Variants in KRT76 observed in about 807,000 individuals in gnomAD.
KRT76 encodes the protein keratin 76.
In KRT76, 47 loss-of-function variants were observed where a neutral mutation model predicts 44.9. The observed-to-expected ratio is 1.05, with a 90% CI of 0.83 to 1.33. KRT76 has a LOEUF of 1.33. Ranked by LOEUF, KRT76 falls within the 40% of genes most tolerant of loss-of-function variation. KRT76 has a pLI of 0.00. For synonymous variants in KRT76, 331 were observed against 294.1 expected, an observed-to-expected ratio of 1.13 and a Z score of -1.28; for missense variants, 860 against 775.8, an observed-to-expected ratio of 1.11 and a Z score of -1.29.
chr12:52,769,062 C>A lies in KRT76; in HGVS notation c.1568G>T (p.Arg523Leu), dbSNP rs377548693. 5.5e-6 allele frequency: 4 copies of A among 726,324 alleles called. No individual in the cohort carries two copies. The South Asian group carries it at 5.9e-5, about 11-fold the overall frequency. The allele number at this position is 726,324 out of a possible 1,614,324, so 45.0% of individuals were successfully genotyped here. A position where few individuals can be genotyped will look rare whatever the true frequency, so the allele number is the denominator to read the frequency against. Residue 523 changes from arginine (R) to leucine (L), a missense_variant, in exon 9 of 9, where the codon CGT becomes CTT. Coordinates refer to ENST00000332411, the MANE Select transcript of KRT76 (RefSeq NM_015848.4). ...GCCACTGACCCCTCCAAAAACTCCA[C>A]GGCTACTGCCAGAGCTGCCACTTGT... Reference protein sequence around the residue: ...TSTSGSSGSSRGVFGGVSGSG... With the variant: ...TSTSGSSGSSLGVFGGVSGSG...
rs1179907663 is a variant in KRT76 at position 52,769,235 on chromosome 12, C to A, written c.1520-125G>T. The A allele has an allele frequency of 4.9e-6, 3 of 611,772 alleles. No individual in the cohort carries two copies. The African/African-American group carries it at 5.6e-5, about 11-fold the overall frequency. 37.9% of individuals were successfully genotyped at this position (611,772 alleles called of 1,614,324 possible). A position where few individuals can be genotyped will look rare whatever the true frequency, so the allele number is the denominator to read the frequency against. On this transcript the variant is annotated intron_variant, in intron 8 of 8. Transcript: ENST00000332411. The stretch of plus-strand genomic sequence containing the variant: ...AAAGATGCTAACTTATCTAATGCCT[C>A]AGTTTGCAAACCATGAGAGTGAGCC...
Position 52,774,016 on chromosome 12 carries a change from G to C in KRT76, c.816-374C>G, listed in dbSNP as rs1476974798. Among the ~76,000 whole-genome samples the C allele has an allele frequency of 2.0e-5, 3 of 152,136 alleles. No individual in the cohort carries two copies. In the East Asian group the frequency reaches 5.8e-4, roughly 29 times the overall value. On this transcript the variant is annotated intron_variant, in intron 2 of 8. Transcript: ENST00000332411. The stretch of plus-strand genomic sequence containing the variant: ...CCAGCCAATTTTTTAATTTTTAGTA[G>C]AGACAAGGTCTCACTTTGTTGCCCA...
rs777017133 is a variant in KRT76, at chr12:52,772,253, C to T, written c.978G>A (p.Leu326=). ...SFLRTLYEME[L]SQMQSHASDT... ...CACTGGCATGGCTTTGCATCTGGGA[C>T]AGCTCCTGCAGGAAACATGGATAGT... The change falls in exon 5 of 9, where the codon CTG becomes CTA. Residue 326 remains leucine (L), a synonymous_variant. Coordinates refer to ENST00000332411, the MANE Select transcript of KRT76 (RefSeq NM_015848.4). 1 of 1,594,128 alleles carries T rather than the reference C, an allele frequency of 6.3e-7. No homozygotes were observed. Among genetic ancestry groups the T allele is most frequent in the South Asian group, 1.2e-5 (1 of 86,746 alleles).
In KRT76 at chr12:52,769,013, G is replaced by C; in HGVS notation, c.1617C>G (p.Gly539=). 1 of 866,606 alleles carries C rather than the reference G, an allele frequency of 1.2e-6. No homozygotes were observed. Among genetic ancestry groups the C allele is most frequent in the Non-Finnish European group, 1.9e-6 (1 of 520,550 alleles). 53.7% of individuals were successfully genotyped at this position (866,606 alleles called of 1,614,324 possible). ...VSGSGSGGYK[G]GSSSSSSSGY... ...CACTGCTGCTGCTGCTGCTGCTGCCGCCTTTGTAGCCACCACTGCCACTGC... is the reference window on the plus strand; with the variant it reads ...CACTGCTGCTGCTGCTGCTGCTGCCCCCTTTGTAGCCACCACTGCCACTGC... The change falls in exon 9 of 9, where the codon GGC becomes GGG. Residue 539 remains glycine (G), a synonymous_variant. Coordinates refer to ENST00000332411, the MANE Select transcript of KRT76 (RefSeq NM_015848.4).
chr12:52,777,146 C>A lies in KRT76; in HGVS notation c.146G>T (p.Gly49Val), dbSNP rs1939275974. 3 of 1,614,230 alleles carry A rather than the reference C, an allele frequency of 1.9e-6. No homozygotes were observed. The highest frequency in any genetic ancestry group is 2.5e-6 in the Non-Finnish European group (3 of 1,180,044). ...GCTGCGACTGCCAAAGCTGCCTGCT[C>A]CGCTCCTGAAGCCACAGGCCCCTCC... ...AGGGACGFRS[G>V]AGSFGSRSLY... The change falls in exon 1 of 9, where the codon GGA becomes GTA. Residue 49 changes from glycine (G) to valine (V), a missense_variant. By Grantham distance (109) the Gly-to-Val change is moderately radical. Coordinates refer to ENST00000332411, the MANE Select transcript of KRT76 (RefSeq NM_015848.4).
intron 7 of KRT76, among the ~76,000 whole-genome samples, chr12:52,769,931 GC>G: frequency 6.6e-6 from 1 of 152,220 alleles, no homozygotes. Context: ...TCTCTACCCA[GC>G]CCTGGATTTT....
Position 52,769,003 on chromosome 12 carries a change from T to G in KRT76, c.1627A>C (p.Ser543Arg). The G allele has an allele frequency of 5.4e-6, 5 of 927,648 alleles. No individual in the cohort carries two copies. Among genetic ancestry groups the G allele is most frequent in the Non-Finnish European group, 8.7e-6 (5 of 575,576 alleles). 57.5% of individuals were successfully genotyped at this position (927,648 alleles called of 1,614,324 possible). Residue 543 changes from serine (S) to arginine (R), a missense_variant, in exon 9 of 9, where the codon AGC becomes CGC. Physicochemically the swap from Ser to Arg is moderately radical, Grantham distance 110 (BLOSUM62 -1). Coordinates refer to ENST00000332411, the MANE Select transcript of KRT76 (RefSeq NM_015848.4). Reference sequence around the variant, plus strand: ...ACTCCATAGCCACTGCTGCTGCTGCTGCTGCTGCCGCCTTTGTAGCCACCA... The same window carrying G: ...ACTCCATAGCCACTGCTGCTGCTGCGGCTGCTGCCGCCTTTGTAGCCACCA... ...GSGGYKGGSS[S>R]SSSSGYGVSG...
At position 52,768,998 on chromosome 12, in the gene KRT76, G is replaced by C. The variant is rs1939137858; in HGVS notation, c.1632C>G (p.Ser544Arg). ...CACTGACTCCATAGCCACTGCTGCT[G>C]CTGCTGCTGCTGCCGCCTTTGTAGC... Reference protein sequence around the residue: ...SGGYKGGSSSSSSSGYGVSGG... With the variant: ...SGGYKGGSSSRSSSGYGVSGG... The change falls in exon 9 of 9, where the codon AGC becomes AGG. Residue 544 changes from serine to arginine, a missense_variant. Coordinates refer to ENST00000332411, the MANE Select transcript of KRT76 (RefSeq NM_015848.4). 1.1e-6 allele frequency: 1 copy of C among 938,538 alleles called. No individual in the cohort carries two copies. Among genetic ancestry groups the C allele is most frequent in the East Asian group, 2.6e-5 (1 of 38,218 alleles). 58.1% of individuals were successfully genotyped at this position (938,538 alleles called of 1,614,324 possible).
chr12:52,773,724 A>T, intron 2 of KRT76, 82 bp from the exon 3 acceptor site: 1 of 1,179,658 alleles, frequency 8.5e-7, no homozygotes, highest in Non-Finnish European at 1.2e-6. Flanking sequence ...CACTCTCCTC[A>T]CCTGCGCAGA....
chr12:52,772,188 A>G lies in KRT76; in HGVS notation c.1043T>C (p.Leu348Pro). 1 of 1,613,620 alleles carries G rather than the reference A, an allele frequency of 6.2e-7. No homozygotes were observed. The highest frequency in any genetic ancestry group is 8.5e-7 in the Non-Finnish European group (1 of 1,179,690). Residue 348 changes from leucine (L) to proline (P), a missense_variant, in exon 5 of 9, where the codon CTG becomes CCG. Transcript: ENST00000332411. Reference sequence around the variant, plus strand: ...CTCGGCAATGATGCTGCCCAGGTCCAGGCAGCGGTTGTTGTCCATGGACAG... The same window carrying G: ...CTCGGCAATGATGCTGCCCAGGTCCGGGCAGCGGTTGTTGTCCATGGACAG... ...VVLSMDNNRC[L>P]DLGSIIAEVR...
intron 1 of KRT76, among the ~76,000 whole-genome samples, chr12:52,776,195 C>T (rs949234263): frequency 6.6e-6 from 1 of 152,192 alleles, no homozygotes. Context: ...CCAGAACACC[C>T]TCCTCTGCCC....
rs201562645 is a variant in KRT76 at position 52,771,149 on chromosome 12, G to A, written c.1334C>T (p.Ala445Val). 8 of 1,614,160 alleles carry A rather than the reference G, an allele frequency of 5.0e-6. No individual in the cohort carries two copies. In the African/African-American group the frequency reaches 1.1e-4, roughly 22 times the overall value. ...GGCAGTCTGCAAGTCTTGGAGCTTG[G>A]CATTGGCGTCCTTGAGGGCCATCTC... ...RGEMALKDAN[A>V]KLQDLQTALQ... Residue 445 changes from alanine (A) to valine (V), a missense_variant, in exon 7 of 9, where the codon GCC (alanine) becomes GTC (valine). Coordinates refer to ENST00000332411, the MANE Select transcript of KRT76 (RefSeq NM_015848.4).
intron 4 of KRT76, 26 bp from the exon 5 acceptor site, chr12:52,772,284 T>C (rs764150776): frequency 3.2e-6 from 5 of 1,569,742 alleles, no homozygotes; most frequent in South Asian, 1.2e-5. Flanking sequence ...ATAGTTACTC[T>C]TACCATCGCC....
Position 52,773,609 on chromosome 12 carries a change from T to C in KRT76, c.849A>G (p.Ala283=), listed in dbSNP as rs1264785936. 1 of 1,613,390 alleles carries C rather than the reference T, an allele frequency of 6.2e-7. No individual in the cohort carries two copies. Residue 283 remains alanine, a synonymous_variant, in exon 3 of 9, where the codon GCA becomes GCG. Transcript: ENST00000332411. ...TCTTGAGCCCCACAAACTCATTCTC[T>C]GCGGCAGTGCGTTTGTTGATTTCAT... is the stretch of plus-strand genomic sequence containing the variant. ...YEDEINKRTA[A]ENEFVGLKKD...
chr12:52,774,693 C>G (rs1001286085), intron 2 of KRT76, among the ~76,000 whole-genome samples: 1 of 152,156 alleles, frequency 6.6e-6, no homozygotes, highest in Non-Finnish European at 1.5e-5. Context: ...CAGCACAGAG[C>G]CTGCCACAGA....
Position 52,776,824 on chromosome 12 carries a change from C to T in KRT76, c.468G>A (p.Gln156=), listed in dbSNP as rs1939268458. The T allele has an allele frequency of 3.1e-6, 5 of 1,614,104 alleles. No homozygotes were observed. The highest frequency in any genetic ancestry group is 4.2e-6 in the Non-Finnish European group (5 of 1,180,000). Reference sequence around the variant, plus strand: ...GGAGACTCTGGTTTACAATCACTTCCTGAATTCCCCCAGGAAAGCCCCCAG... The same window carrying T: ...GGAGACTCTGGTTTACAATCACTTCTTGAATTCCCCCAGGAAAGCCCCCAG... The part of the protein sequence containing the change: ...FGPGGFPGGI[Q]EVIVNQSLLQ... Residue 156 remains glutamine, a synonymous_variant, in exon 1 of 9, where the codon CAG becomes CAA. Transcript: ENST00000332411.
At chr12:52,775,284 A>G in intron 2 of KRT76, 104 bp downstream of exon 2, 1 of 961,672 alleles carries the variant, frequency 1.0e-6, no homozygotes, top group Non-Finnish European at 1.6e-6. Context: ...TCCATCCCAG[A>G]GTATTGACTG....
chr12:52,771,046 A>C lies in KRT76; in HGVS notation c.1437T>G (p.Asp479Glu), dbSNP rs201827715. 41 of 1,613,930 alleles carry C rather than the reference A, an allele frequency of 2.5e-5. No homozygotes were observed. The highest frequency in any genetic ancestry group is 4.2e-6 in the Non-Finnish European group (5 of 1,180,040). Residue 479 changes from aspartate (D) to glutamate (E), a missense_variant, in exon 7 of 9, where the codon GAT becomes GAG. By Grantham distance (45) the Asp-to-Glu change is conservative (BLOSUM62 2). Coordinates refer to ENST00000332411, the MANE Select transcript of KRT76 (RefSeq NM_015848.4). ...QELMNVKLAL[D>E]VEIATYRKLL... ...GCTTGCGGTAGGTGGCAATCTCCAC[A>C]TCCAGGGCCAGCTTGACGTTCATCA...
intron 3 of KRT76, 104 bp downstream of exon 3, chr12:52,773,478 C>T (rs972767260): frequency 4.1e-6 from 3 of 724,654 alleles, no homozygotes; most frequent in Middle Eastern, 3.2e-4. Flanking sequence ...CAATCCCACA[C>T]ACAATATAAG....
Sources: allele counts gnomAD v4.1 joint callset (sites outside exome capture counted in the v4.1 genomes callset), GRCh38; gene constraint gnomAD v4.1.1; transcripts MANE v1.5; gene names NCBI Gene and HGNC (gene_info 2026-07-23, HGNC 2026-07-21).